Variants in GRM8 observed in about 807,000 individuals in gnomAD.
GRM8 encodes metabotropic glutamate receptor 8.
In GRM8, 47 loss-of-function variants were observed where a neutral mutation model predicts 87.2. The observed-to-expected ratio is 0.54, with a 90% CI of 0.43 to 0.69. GRM8 has a LOEUF of 0.69. Ranked by LOEUF, GRM8 falls within the 30% of genes least tolerant of loss-of-function variation. The probability of loss-of-function intolerance (pLI) is 0.00; values close to 1 mark genes in which losing one functional copy is unlikely to be tolerated. For synonymous variants in GRM8, 396 were observed against 404.5 expected, an observed-to-expected ratio of 0.98 and a Z score of 0.25; for missense variants, 1,019 against 1,139.2, an observed-to-expected ratio of 0.89 and a Z score of 1.52.
At chr7:127,200,474 G>A (rs1795526923) in intron 2 of GRM8, among the ~76,000 whole-genome samples, 1 of 152,184 alleles carries the variant, frequency 6.6e-6, no homozygotes, top group Non-Finnish European at 1.5e-5. Context: ...GAAGTATGGT[G>A]TGTATTTGTT....
chr7:126,767,108 A>T (rs1818279053), intron 7 of GRM8, among the ~76,000 whole-genome samples: 1 of 152,124 alleles, frequency 6.6e-6, no homozygotes, highest in Non-Finnish European at 1.5e-5. Flanking sequence ...TAACAGATTG[A>T]AATGTTAGAT....
At chr7:126,963,389 C>A (rs990870143) in intron 3 of GRM8, among the ~76,000 whole-genome samples, 1 of 152,078 alleles carries the variant, frequency 6.6e-6, no homozygotes, top group African/African-American at 2.4e-5. Flanking sequence ...ATATACATAA[C>A]TAGAAAGAGA....
intron 2 of GRM8, among the ~76,000 whole-genome samples, chr7:127,231,714 C>T (rs1349600542): frequency 6.6e-6 from 1 of 152,112 alleles, no homozygotes; most frequent in Non-Finnish European, 1.5e-5. Context: ...GTGTTTCTGT[C>T]CTTACCACAC....
chr7:127,046,873 C>T (rs1378822849), intron 3 of GRM8, among the ~76,000 whole-genome samples: 1 of 152,186 alleles, frequency 6.6e-6, no homozygotes. Context: ...CTTTAAAAGA[C>T]ATATTCTAAA....
At position 126,788,420 on chromosome 7, in the gene GRM8, A is replaced by AAAAAAAACAAAAAACAAAAAACAAAAAAC; in HGVS notation, c.1157-18356_1157-18355insGTTTTTTGTTTTTTGTTTTTTGTTTTTTT. On this transcript the variant is annotated intron_variant, in intron 6 of 10. Transcript: ENST00000339582. ...GCAAGACTCCATCTCAAAAAAAAAAAAAACCCTTTCAGATATCTTTAACAT... is the reference window on the plus strand; with the variant it reads ...GCAAGACTCCATCTCAAAAAAAAAAAAAAAAAACAAAAAACAAAAAACAAAAAACAAACCCTTTCAGATATCTTTAACAT... 3.3e-3 allele frequency among the ~76,000 whole-genome samples: 266 copies of AAAAAAAACAAAAAACAAAAAACAAAAAAC among 81,128 alleles called. 21 individuals carry two copies. Among genetic ancestry groups the AAAAAAAACAAAAAACAAAAAACAAAAAAC allele is most frequent in the African/African-American group, 9.5e-3 (208 of 21,820 alleles). The allele number at this position is 81,128 out of a possible 152,430, so 53.2% of individuals were successfully genotyped here. A position where few individuals can be genotyped will look rare whatever the true frequency, so the allele number is the denominator to read the frequency against.
At chr7:127,034,563 A>C (rs534288674) in intron 3 of GRM8, among the ~76,000 whole-genome samples, 2 of 152,232 alleles carry the variant, frequency 1.3e-5, no homozygotes, top group South Asian at 4.1e-4. Flanking sequence ...TCCAGACCTA[A>C]ATGGCAAAGT....
At chr7:127,041,221 T>C (rs1293835562) in intron 3 of GRM8, among the ~76,000 whole-genome samples, 1 of 152,190 alleles carries the variant, frequency 6.6e-6, no homozygotes, top group African/African-American at 2.4e-5. Context: ...AAATGGGGCA[T>C]AGACAGTGGA....
rs553167707 is a variant in GRM8 at position 126,649,220 on chromosome 7, AG to A, written c.1358-39723del. On this transcript the variant is annotated intron_variant, in intron 7 of 10. Coordinates refer to ENST00000339582, the MANE Select transcript of GRM8 (RefSeq NM_000845.3). ...GGTATTGACTCTGGGTGGGTCTGTG[AG>A]GGTGTTGCCAAAGGAGATTAACATT... Among the ~76,000 whole-genome samples the A allele has an allele frequency of 3.1e-3, 470 of 152,290 alleles. 2 individuals are homozygous for A. The highest frequency in any genetic ancestry group is 4.7e-3 in the Non-Finnish European group (319 of 68,024).
At chr7:126,995,903 AC>A (rs2131988618) in intron 3 of GRM8, among the ~76,000 whole-genome samples, 1 of 152,152 alleles carries the variant, frequency 6.6e-6, no homozygotes, top group South Asian at 2.1e-4. Context: ...AAAGAAGACT[AC>A]CTAAAGGCAT....
At chr7:127,113,440 C>A (rs111835382) in intron 2 of GRM8, among the ~76,000 whole-genome samples, 4 of 152,022 alleles carry the variant, frequency 2.6e-5, no homozygotes, top group African/African-American at 7.2e-5. Context: ...ACCTGAATCA[C>A]GTATATTTTC....
intron 7 of GRM8, among the ~76,000 whole-genome samples, chr7:126,620,203 G>A (rs555645438): frequency 1.9e-4 from 29 of 152,212 alleles, no homozygotes; most frequent in African/African-American, 5.8e-4. Context: ...TAGAAACATC[G>A]CTTGAGACCA....
At chr7:126,646,773 G>A (rs899276057) in intron 7 of GRM8, among the ~76,000 whole-genome samples, 1 of 152,150 alleles carries the variant, frequency 6.6e-6, no homozygotes, top group Non-Finnish European at 1.5e-5. Flanking sequence ...CATGTAAAGT[G>A]CTTAATCTTG....
intron 7 of GRM8, among the ~76,000 whole-genome samples, chr7:126,733,548 A>C (rs1337778561): frequency 6.6e-6 from 1 of 151,212 alleles, no homozygotes; most frequent in East Asian, 1.9e-4. Flanking sequence ...ACTAAATATT[A>C]AGTAAAATTA....
At chr7:127,175,760 A>G (rs1363552494) in intron 2 of GRM8, among the ~76,000 whole-genome samples, 4 of 152,202 alleles carry the variant, frequency 2.6e-5, no homozygotes, top group Admixed American at 1.3e-4. Context: ...TCAAAAGTAA[A>G]AGAGAAGGAC....
At chr7:127,177,187 A>G (rs950507735) in intron 2 of GRM8, among the ~76,000 whole-genome samples, 2 of 152,074 alleles carry the variant, frequency 1.3e-5, no homozygotes, top group East Asian at 1.9e-4. Flanking sequence ...TGAGACCTTC[A>G]GTTTATGTGG....
chr7:127,026,315 G>T (rs1413140348), intron 3 of GRM8, among the ~76,000 whole-genome samples: 1 of 152,108 alleles, frequency 6.6e-6, no homozygotes, highest in Non-Finnish European at 1.5e-5. Context: ...ACATACGTGT[G>T]CATGTGTCTT....
At chr7:126,990,821 A>T (rs945684680) in intron 3 of GRM8, among the ~76,000 whole-genome samples, 1 of 152,248 alleles carries the variant, frequency 6.6e-6, no homozygotes, top group Admixed American at 6.5e-5. Flanking sequence ...TCTCTCAAAC[A>T]TTAAAAGCAC....
intron 7 of GRM8, among the ~76,000 whole-genome samples, chr7:126,665,748 G>C (rs1207724448): frequency 6.6e-6 from 1 of 151,702 alleles, no homozygotes; most frequent in Non-Finnish European, 1.5e-5. Context: ...AAAAATAAAA[G>C]TTGAAATTAT....
intron 9 of GRM8, among the ~76,000 whole-genome samples, chr7:126,510,589 C>G (rs1811196015): frequency 1.6e-4 from 2 of 12,132 alleles, no homozygotes; most frequent in Admixed American, 6.2e-4. Context: ...TGGTGGCTAC[C>G]CTCAAATATG....
Sources: allele counts gnomAD v4.1 joint callset (sites outside exome capture counted in the v4.1 genomes callset), GRCh38; gene constraint gnomAD v4.1.1; transcripts MANE v1.5; gene names NCBI Gene and HGNC (gene_info 2026-07-23, HGNC 2026-07-21).